CTNND2: variants seen among roughly 807,000 people sequenced by gnomAD.
The protein encoded by CTNND2 is catenin delta-2.
Under a neutral mutation model 144.4 loss-of-function variants are expected in CTNND2, and 22 were observed. The observed-to-expected ratio is 0.15, with a 90% confidence interval of 0.11 to 0.22. CTNND2 has a LOEUF of 0.22. CTNND2 is among the 10% of genes least tolerant of loss of function. The pLI is 1.00. For synonymous variants in CTNND2, 751 were observed against 695.6 expected (o/e 1.08, Z -1.25); for missense variants, 1,353 against 1,618.8 (o/e 0.84, Z 2.82).
intron 5 of CTNND2, among the ~76,000 whole-genome samples, chr5:11,406,336 G>C (rs1458256246): frequency 1.3e-5 from 2 of 152,152 alleles, no homozygotes; most frequent in African/African-American, 4.8e-5. Context: ...TCTATTGGAG[G>C]ACCTGGTTTC....
At chr5:11,038,438 A>G (rs1027711614) in intron 16 of CTNND2, among the ~76,000 whole-genome samples, 3 of 152,200 alleles carry the variant, frequency 2.0e-5, no homozygotes, top group Non-Finnish European at 4.4e-5. Flanking sequence ...TGAGGTGGAC[A>G]CTTTCATCCT....
intron 1 of CTNND2, among the ~76,000 whole-genome samples, chr5:11,881,470 C>T (rs189697125): frequency 2.0e-5 from 3 of 152,146 alleles, no homozygotes; most frequent in African/African-American, 4.8e-5. Flanking sequence ...AACCACTATT[C>T]TACTCTCTAC....
At chr5:11,745,941 T>G (rs749727869) in intron 1 of CTNND2, among the ~76,000 whole-genome samples, 5 of 152,242 alleles carry the variant, frequency 3.3e-5, no homozygotes, top group Non-Finnish European at 7.3e-5. Flanking sequence ...CTTTATAACA[T>G]GTGATGCACT....
At chr5:11,163,381 C>T (rs74437121) in intron 11 of CTNND2, among the ~76,000 whole-genome samples, 3 of 152,208 alleles carry the variant, frequency 2.0e-5, no homozygotes, top group Admixed American at 6.5e-5. Flanking sequence ...ACCAAGCCTT[C>T]GAATGACTGC....
rs979934881 is a variant in CTNND2, at chr5:10,973,780, G to C, written c.3418-67C>G. The C allele has an allele frequency of 6.7e-7, 1 of 1,500,000 alleles. No individual in the cohort carries two copies. The highest frequency in any genetic ancestry group is 1.3e-5 in the South Asian group (1 of 75,430). 92.9% of individuals were successfully genotyped at this position (1,500,000 alleles called of 1,614,324 possible). The stretch of plus-strand genomic sequence containing the variant: ...CTTGACTCAGCCTGCCTCTTGCCCC[G>C]GCACCCAACTCTCCTTCAAAGAATA... On this transcript the variant is annotated intron_variant, in intron 21 of 21. Transcript: ENST00000304623. This position sits in a 1 kb window ranked among gnomAD's most constrained non-coding sequence, Gnocchi z 5.6.
At chr5:11,435,409 A>T (rs1051509522) in intron 3 of CTNND2, among the ~76,000 whole-genome samples, 7 of 151,936 alleles carry the variant, frequency 4.6e-5, no homozygotes, top group Non-Finnish European at 8.8e-5. Flanking sequence ...CCCAAAGTGC[A>T]GGGATTACAA....
chr5:11,011,042 T>C (rs1313097775), intron 18 of CTNND2, among the ~76,000 whole-genome samples: 1 of 152,126 alleles, frequency 6.6e-6, no homozygotes, highest in Non-Finnish European at 1.5e-5. Flanking sequence ...AACAACATTG[T>C]GTGTGGGGTG....
intron 1 of CTNND2, among the ~76,000 whole-genome samples, chr5:11,856,689 C>T (rs1795267078): frequency 6.6e-6 from 1 of 152,150 alleles, no homozygotes; most frequent in Admixed American, 6.5e-5. Context: ...CTAAAAAGAA[C>T]ACCAGAAAAT....
intron 1 of CTNND2, among the ~76,000 whole-genome samples, chr5:11,831,954 T>A (rs1793926229): frequency 6.6e-6 from 1 of 151,958 alleles, no homozygotes; most frequent in Non-Finnish European, 1.5e-5. Flanking sequence ...AAGGGAGGCA[T>A]CAAAGAAAAA....
chr5:11,227,855 ATGAGCTGTCTTCCATGAG>A (rs1740526381), intron 10 of CTNND2, among the ~76,000 whole-genome samples: 3 of 152,206 alleles, frequency 2.0e-5, no homozygotes, highest in African/African-American at 7.2e-5. Context: ...AACTGCAAAT[ATGAGCTGTCTTCCATGAG>A]TTCTAAGTGG....
chr5:11,613,356 C>T (rs1260731953), intron 2 of CTNND2, among the ~76,000 whole-genome samples: 3 of 152,088 alleles, frequency 2.0e-5, no homozygotes, highest in South Asian at 4.2e-4. Flanking sequence ...TTTTAAAGTG[C>T]TTCTTATTAA....
intron 2 of CTNND2, among the ~76,000 whole-genome samples, chr5:11,651,766 A>T (rs1217312106): frequency 6.6e-6 from 1 of 152,236 alleles, no homozygotes; most frequent in Non-Finnish European, 1.5e-5. Context: ...TCAGACTTGC[A>T]TGAGGCCTGT....
chr5:11,143,792 T>C (rs1214584285), intron 12 of CTNND2, among the ~76,000 whole-genome samples: 3 of 152,250 alleles, frequency 2.0e-5, no homozygotes, highest in African/African-American at 7.2e-5. Flanking sequence ...CTGAGATTTT[T>C]GCACTTGTTG....
chr5:11,754,804 T>C (rs940483883), intron 1 of CTNND2, among the ~76,000 whole-genome samples: 1 of 151,772 alleles, frequency 6.6e-6, no homozygotes, highest in African/African-American at 2.4e-5. Context: ...ATATAGTGGA[T>C]TTTTTTCCAT....
intron 3 of CTNND2, among the ~76,000 whole-genome samples, chr5:11,444,849 C>T (rs1027812515): frequency 4.6e-5 from 7 of 152,140 alleles, no homozygotes; most frequent in Non-Finnish European, 7.4e-5. Context: ...GTGCTGAGGT[C>T]CTGTGGCCAG....
At chr5:11,551,785 G>A (rs1456995145) in intron 3 of CTNND2, among the ~76,000 whole-genome samples, 1 of 151,960 alleles carries the variant, frequency 6.6e-6, no homozygotes, top group Admixed American at 6.6e-5. Flanking sequence ...ATTTTTAGTA[G>A]GCACAAGGTT....
chr5:11,643,648 A>G (rs1196419940), intron 2 of CTNND2, among the ~76,000 whole-genome samples: 2 of 152,010 alleles, frequency 1.3e-5, no homozygotes, highest in African/African-American at 4.8e-5. Context: ...GTACAGCTTT[A>G]TAACAGAAAC....
chr5:11,207,644 A>G (rs1738190404), intron 10 of CTNND2, among the ~76,000 whole-genome samples: 1 of 152,056 alleles, frequency 6.6e-6, no homozygotes, highest in Non-Finnish European at 1.5e-5. Flanking sequence ...GTCTCTCCTT[A>G]GGGGCCTGGA....
At chr5:11,899,947 A>G (rs1379642223) in intron 1 of CTNND2, among the ~76,000 whole-genome samples, 1 of 152,220 alleles carries the variant, frequency 6.6e-6, no homozygotes, top group Non-Finnish European at 1.5e-5. Flanking sequence ...TATTTTTCCA[A>G]TAATTGTCAT....
Sources: gnomAD v4.1 joint callset for allele counts (sites outside exome capture counted in the v4.1 genomes callset) on GRCh38, gnomAD v4.1.1 for gene constraint, Gnocchi (gnomAD v3.1) non-coding constraint, MANE v1.5 for transcripts, NCBI Gene and HGNC (gene_info 2026-07-23, HGNC 2026-07-21) for gene names.